The following RPIA variants were observed in gnomAD, a reference collection of about 807,000 sequenced individuals.
RPIA encodes the protein ribose 5-phosphate isomerase A.
Under a neutral mutation model 37.8 loss-of-function variants are expected in RPIA, and 29 were observed. That is an observed-to-expected ratio of 0.77 (90% confidence interval 0.57 to 1.05). The LOEUF is 1.05. RPIA is among the 50% of genes least tolerant of loss of function. RPIA has a pLI of 0.00. For synonymous variants in RPIA, 167 were observed against 157.0 expected (o/e 1.06, Z -0.48); for missense variants, 385 against 413.6 (o/e 0.93, Z 0.60).
Position 88,750,063 on chromosome 2 carries a change from G to A in RPIA, c.921G>A (p.Glu307=), listed in dbSNP as rs1179699147. The change falls in exon 9 of 9, where the codon GAG becomes GAA. Residue 307 remains glutamate, a synonymous_variant. Coordinates refer to ENST00000283646, the MANE Select transcript of RPIA (RefSeq NM_144563.3). ...GMQDGSVNMR[E]KPFC ...AGGATGGCTCAGTGAACATGAGGGA[G>A]AAGCCTTTCTGTTGACCCTGCAAGG... is the stretch of plus-strand genomic sequence containing the variant. 9 of 1,612,130 alleles carry A rather than the reference G, an allele frequency of 5.6e-6. No individual in the cohort carries two copies. Among genetic ancestry groups the A allele is most frequent in the Non-Finnish European group, 7.6e-6 (9 of 1,178,620 alleles).
At chr2:88,749,183 G>A (rs1268417730) in intron 8 of RPIA, among the ~76,000 whole-genome samples, 1 of 152,192 alleles carries the variant, frequency 6.6e-6, no homozygotes, top group Non-Finnish European at 1.5e-5. Flanking sequence ...GTGGTTAGGT[G>A]TGAATCCATC....
intron 8 of RPIA, among the ~76,000 whole-genome samples, chr2:88,742,494 T>A (rs1477046644): frequency 6.6e-6 from 1 of 152,212 alleles, no homozygotes; most frequent in Non-Finnish European, 1.5e-5. Flanking sequence ...TGCTGCCAGA[T>A]TTGTTCTTTT....
intron 3 of RPIA, 84 bp downstream of exon 3, chr2:88,700,148 T>G (rs1294152603): frequency 7.6e-7 from 1 of 1,313,114 alleles, no homozygotes; most frequent in African/African-American, 1.5e-5. Flanking sequence ...GGCCTTGTCT[T>G]GTACCTCAAG....
At position 88,691,809 on chromosome 2, in the gene RPIA, G is replaced by C; in HGVS notation, c.111G>C (p.Pro37=). 1 of 1,595,740 alleles carries C rather than the reference G, an allele frequency of 6.3e-7. No individual in the cohort carries two copies. Among genetic ancestry groups the C allele is most frequent in the Non-Finnish European group, 8.5e-7 (1 of 1,173,282 alleles). The change falls in exon 1 of 9, where the codon CCG becomes CCC. Residue 37 remains proline (P), a synonymous_variant. Transcript: ENST00000283646. ...GAGGAGGGAACAGCTGGGACCTCCC[G>C]GGTTCCCACGTGCGGCTGCCGGGGC... The part of the protein sequence containing the change: ...SGGGGNSWDL[P]GSHVRLPGRA...
intron 8 of RPIA, among the ~76,000 whole-genome samples, chr2:88,746,466 G>A (rs1002603057): frequency 6.6e-6 from 1 of 152,204 alleles, no homozygotes; most frequent in Non-Finnish European, 1.5e-5. Flanking sequence ...CCTTGATGGG[G>A]TGTTCTTCGC....
chr2:88,749,499 C>T lies in RPIA; in HGVS notation c.839-482C>T, dbSNP rs373549480. On this transcript the variant is annotated intron_variant, in intron 8 of 8. Transcript: ENST00000283646. ...AATTGTTTATATTTTTGATATGAGT[C>T]CTTTGTCAGGTATATGCTTTGCAAA... Among the ~76,000 whole-genome samples, 50 of 152,182 alleles carry T rather than the reference C, an allele frequency of 3.3e-4. No individual in the cohort carries two copies. The South Asian group carries it at 9.3e-3, about 28-fold the overall frequency.
At chr2:88,712,983 C>T (rs1025977717) in intron 3 of RPIA, among the ~76,000 whole-genome samples, 2 of 151,546 alleles carry the variant, frequency 1.3e-5, no homozygotes, top group African/African-American at 4.9e-5. Flanking sequence ...ATTCTCCTGC[C>T]TCAGCCTCCC....
rs1177074321 is a variant in RPIA, at chr2:88,750,533, T to C, written c.*455T>C. On this transcript the variant is annotated 3_prime_UTR_variant, in exon 9 of 9. Coordinates refer to ENST00000283646, the MANE Select transcript of RPIA (RefSeq NM_144563.3). ...TTACTGGAAACTTTGTTTACTTGTC[T>C]GCTACCCTCTGATTTGTTTTTAGTT... 1 of 417,824 alleles carries C rather than the reference T, an allele frequency of 2.4e-6. No homozygotes were observed. 25.9% of individuals were successfully genotyped at this position (417,824 alleles called of 1,614,324 possible).
intron 7 of RPIA, 78 bp from the exon 8 acceptor site, chr2:88,737,899 G>A (rs1329843013): frequency 7.5e-6 from 8 of 1,063,966 alleles, no homozygotes; most frequent in Non-Finnish European, 1.0e-5. Flanking sequence ...CTTGTCTTTG[G>A]TTATCCCCTC....
chr2:88,712,858 GCTTCTT>G (rs928368624), intron 3 of RPIA, among the ~76,000 whole-genome samples: 1 of 151,298 alleles, frequency 6.6e-6, no homozygotes, highest in Non-Finnish European at 1.5e-5. Context: ...GGTTGCCCTT[GCTTCTT>G]CTTCTTCTTC....
chr2:88,726,455 G>A (rs1673198165), intron 3 of RPIA, among the ~76,000 whole-genome samples: 2 of 151,958 alleles, frequency 1.3e-5, no homozygotes, highest in South Asian at 4.2e-4. Flanking sequence ...GTGACCCAGG[G>A]AAACCAAAAG....
At chr2:88,736,407 A>T in intron 6 of RPIA, 128 bp from the exon 7 acceptor site, 1 of 852,122 alleles carries the variant, frequency 1.2e-6, no homozygotes, top group Non-Finnish European at 1.9e-6. Flanking sequence ...TTGTAGCCCC[A>T]TGTATATTGC....
intron 3 of RPIA, among the ~76,000 whole-genome samples, chr2:88,721,542 TATACACACAC>T (rs1049334667): frequency 2.2e-5 from 2 of 92,432 alleles, no homozygotes; most frequent in African/African-American, 9.3e-5. Context: ...AGATATATAT[TATACACACAC>T]ACACACACAC....
intron 8 of RPIA, among the ~76,000 whole-genome samples, chr2:88,744,023 CTTAGT>C (rs1419840744): frequency 1.3e-5 from 2 of 151,862 alleles, no homozygotes; most frequent in Non-Finnish European, 2.9e-5. Context: ...CTGCTCTTAT[CTTAGT>C]TATTTCTTTT....
chr2:88,719,915 T>A (rs1003306929), intron 3 of RPIA, among the ~76,000 whole-genome samples: 19 of 152,174 alleles, frequency 1.2e-4, no homozygotes, highest in African/African-American at 4.3e-4. Flanking sequence ...CATTAATGTT[T>A]GATTTATAGT....
intron 3 of RPIA, among the ~76,000 whole-genome samples, chr2:88,704,537 C>T (rs1016534744): frequency 6.6e-6 from 1 of 152,220 alleles, no homozygotes; most frequent in Non-Finnish European, 1.5e-5. Flanking sequence ...ATTCAATTGT[C>T]TCCCACCAGG....
chr2:88,733,653 G>A (rs1219648277), intron 4 of RPIA, among the ~76,000 whole-genome samples: 21 of 152,196 alleles, frequency 1.4e-4, no homozygotes, highest in Admixed American at 1.4e-3. Context: ...GTAAAAGGCT[G>A]GAAGCAAGCA....
intron 4 of RPIA, among the ~76,000 whole-genome samples, chr2:88,730,634 A>C (rs2104126981): frequency 6.3e-5 from 1 of 15,992 alleles, no homozygotes; most frequent in Admixed American, 6.1e-4. Flanking sequence ...GAATGGGCAA[A>C]AACTGGAAGC....
intron 3 of RPIA, among the ~76,000 whole-genome samples, chr2:88,718,945 G>A (rs549253719): frequency 1.6e-4 from 24 of 152,238 alleles, no homozygotes; most frequent in Admixed American, 5.9e-4. Context: ...TAAGCAAAAC[G>A]TTAAAAAGAT....
Sources: allele counts gnomAD v4.1 joint callset (sites outside exome capture counted in the v4.1 genomes callset), GRCh38; gene constraint gnomAD v4.1.1; transcripts MANE v1.5; gene names NCBI Gene and HGNC (gene_info 2026-07-23, HGNC 2026-07-21).